The following SYT17 variants were observed in gnomAD, a reference collection of about 807,000 sequenced individuals.
SYT17 encodes synaptotagmin 17, also known as synaptotagmin-17.
A neutral mutation model predicts 46.7 loss-of-function variants in SYT17; 22 were observed. That is an observed-to-expected ratio of 0.47 (90% confidence interval 0.34 to 0.67). SYT17 has a LOEUF of 0.67. Among genes scored for constraint, SYT17 ranks in the 30% least tolerant of loss-of-function variants. The pLI is 0.01. For synonymous variants in SYT17, 251 were observed against 248.4 expected (o/e 1.01, Z -0.10); for missense variants, 519 against 612.8 (o/e 0.85, Z 1.62).
intron 5 of SYT17, among the ~76,000 whole-genome samples, chr16:19,203,162 C>T (rs954221626): frequency 2.0e-5 from 3 of 152,066 alleles, no homozygotes; most frequent in African/African-American, 4.8e-5. Flanking sequence ...GTAACTCTCC[C>T]ATAGGGTTGC....
In SYT17 at chr16:19,168,597, T is replaced by G. The variant is rs1963955652; in HGVS notation, c.-50T>G. On this transcript the variant is annotated 5_prime_UTR_variant, in exon 1 of 8. Transcript: ENST00000355377. The surrounding 1 kb of genome is among the most constrained non-coding windows in gnomAD (Gnocchi z 6.9). The stretch of plus-strand genomic sequence containing the variant: ...CCCTCCGCTGTTGGCGAGGGCAAAG[T>G]GGCCGTGGCGGCGCCATGCCCGGGC... 2 of 1,542,402 alleles carry G rather than the reference T, an allele frequency of 1.3e-6. No individual in the cohort carries two copies. The highest frequency in any genetic ancestry group is 1.8e-6 in the Non-Finnish European group (2 of 1,142,630).
At position 19,266,846 on chromosome 16, in the gene SYT17, C is replaced by T. The variant is rs749198547; in HGVS notation, c.1229-34C>T. On this transcript the variant is annotated intron_variant, in intron 7 of 7. Coordinates refer to ENST00000355377, the MANE Select transcript of SYT17 (RefSeq NM_016524.4). ...TGTTCTGTTCCCCTCCTTCCTCTTG[C>T]CTCCCTCCTGCCCTCAACCCTCTGG... is the stretch of plus-strand genomic sequence containing the variant. 5 of 1,594,114 alleles carry T rather than the reference C, an allele frequency of 3.1e-6. No homozygotes were observed. The Admixed American group carries it at 8.5e-5, about 27-fold the overall frequency.
At chr16:19,203,340 A>G (rs1596944181) in intron 5 of SYT17, among the ~76,000 whole-genome samples, 1 of 151,632 alleles carries the variant, frequency 6.6e-6, no homozygotes, top group Non-Finnish European at 1.5e-5. Context: ...ACAATACAAA[A>G]AAAAAAAATA....
At chr16:19,240,485 C>T (rs899437277) in intron 7 of SYT17, among the ~76,000 whole-genome samples, 17 of 152,006 alleles carry the variant, frequency 1.1e-4, no homozygotes, top group Non-Finnish European at 1.8e-4. Flanking sequence ...CCCATCGTCT[C>T]TCTGTTCTCT....
chr16:19,206,949 G>A (rs1445339679), intron 5 of SYT17, among the ~76,000 whole-genome samples: 1 of 152,150 alleles, frequency 6.6e-6, no homozygotes, highest in African/African-American at 2.4e-5. Flanking sequence ...CCCCAATGTT[G>A]GAGGTGGGAC....
At chr16:19,173,706 T>C in intron 3 of SYT17, 128 bp downstream of exon 3, 1 of 1,075,308 alleles carries the variant, frequency 9.3e-7, no homozygotes. Flanking sequence ...GCAGGCTGAG[T>C]TTCCAGGGAC....
rs1596883752 is a variant in SYT17, at chr16:19,173,645, G to A, written c.182+67G>A. On this transcript the variant is annotated intron_variant, in intron 3 of 7. Transcript: ENST00000355377. ...GACTTTTCCTTTTTAATGAGAAGGCGGGTTGGGGGTCTGGGCCACGGGAGG... is the reference window on the plus strand; with the variant it reads ...GACTTTTCCTTTTTAATGAGAAGGCAGGTTGGGGGTCTGGGCCACGGGAGG... 9.6e-6 allele frequency: 15 copies of A among 1,555,148 alleles called. No individual in the cohort carries two copies. The South Asian group carries it at 9.7e-5, about 10-fold the overall frequency.
Position 19,191,359 on chromosome 16 carries a change from A to G in SYT17, c.951+7212A>G, listed in dbSNP as rs78349305. On this transcript the variant is annotated intron_variant, in intron 5 of 7. Transcript: ENST00000355377. ...CATGAGGGCAGAGCTGTTATCAATGAGATTAGCGCCCTTGTAAAGAGGCTC... is the reference window on the plus strand; with the variant it reads ...CATGAGGGCAGAGCTGTTATCAATGGGATTAGCGCCCTTGTAAAGAGGCTC... 6.3e-3 allele frequency among the ~76,000 whole-genome samples: 957 copies of G among 152,260 alleles called. 6 individuals carry two copies. Among genetic ancestry groups the G allele is most frequent in the African/African-American group, 0.021 (886 of 41,556 alleles).
chr16:19,264,295 T>C (rs778629696), intron 7 of SYT17, among the ~76,000 whole-genome samples: 1 of 152,244 alleles, frequency 6.6e-6, no homozygotes, highest in Non-Finnish European at 1.5e-5. Context: ...AGCAGCATTA[T>C]GTAAACAAAT....
chr16:19,223,109 A>C lies in SYT17; in HGVS notation c.1016A>C (p.Asn339Thr). Residue 339 changes from asparagine (N) to threonine (T), a missense_variant, in exon 6 of 8, where the codon AAT becomes ACT. Physicochemically the swap from Asn to Thr is moderately conservative, Grantham distance 65 (BLOSUM62 0). Transcript: ENST00000355377. ...TATCTCCCAAGTGCTGGCAGACTGAATGTTGATGTCATTCGAGCCAAGCAA... is the reference window on the plus strand; with the variant it reads ...TATCTCCCAAGTGCTGGCAGACTGACTGTTGATGTCATTCGAGCCAAGCAA... ...LNYLPSAGRL[N>T]VDVIRAKQLL... The C allele has an allele frequency of 6.2e-7, 1 of 1,614,002 alleles. No individual in the cohort carries two copies. The highest frequency in any genetic ancestry group is 8.5e-7 in the Non-Finnish European group (1 of 1,179,938).
chr16:19,236,665 A>G (rs1966852773), intron 7 of SYT17, among the ~76,000 whole-genome samples: 3 of 152,214 alleles, frequency 2.0e-5, no homozygotes, highest in Non-Finnish European at 4.4e-5. Flanking sequence ...GGAGACGCAT[A>G]GGGCAGAGTC....
intron 5 of SYT17, among the ~76,000 whole-genome samples, chr16:19,188,293 A>G (rs1964863148): frequency 6.6e-6 from 1 of 152,102 alleles, no homozygotes; most frequent in Non-Finnish European, 1.5e-5. Context: ...CTGAGAACAC[A>G]TGGACACAGA....
chr16:19,177,526 TCAAA>T (rs1347239006), intron 3 of SYT17, among the ~76,000 whole-genome samples: 1 of 152,204 alleles, frequency 6.6e-6, no homozygotes, highest in African/African-American at 2.4e-5. Context: ...CTGCATGTTA[TCAAA>T]CAGACAGGAA....
At chr16:19,182,140 C>T (rs1029721393) in intron 4 of SYT17, among the ~76,000 whole-genome samples, 2 of 151,884 alleles carry the variant, frequency 1.3e-5, no homozygotes, top group East Asian at 1.9e-4. Context: ...GCAGGCTGGG[C>T]GCGGTGGCTC....
intron 7 of SYT17, among the ~76,000 whole-genome samples, chr16:19,251,396 T>A (rs890559748): frequency 1.3e-5 from 2 of 152,084 alleles, no homozygotes; most frequent in Non-Finnish European, 2.9e-5. Flanking sequence ...TGTTGGGGAA[T>A]AAGGAAAAGG....
chr16:19,231,546 A>AG (rs1205655227), intron 7 of SYT17, among the ~76,000 whole-genome samples: 5 of 150,758 alleles, frequency 3.3e-5, no homozygotes, highest in African/African-American at 9.7e-5. Context: ...AAAAAAAAAA[A>AG]AAAAGAAAAG....
intron 7 of SYT17, among the ~76,000 whole-genome samples, chr16:19,256,289 G>C (rs1347835702): frequency 6.6e-6 from 1 of 151,918 alleles, no homozygotes; most frequent in Non-Finnish European, 1.5e-5. Flanking sequence ...AAAAGTCAGA[G>C]CCAATCCTGA....
intron 6 of SYT17, 37 bp from the exon 7 acceptor site, chr16:19,224,646 A>T: frequency 6.2e-7 from 1 of 1,608,120 alleles, no homozygotes; most frequent in Non-Finnish European, 8.5e-7. Context: ...AGGTTTCATG[A>T]TCTCCAACAT....
chr16:19,175,511 T>C (rs1156956354), intron 3 of SYT17, among the ~76,000 whole-genome samples: 1 of 151,990 alleles, frequency 6.6e-6, no homozygotes. Context: ...AAAAATTAGC[T>C]GGGCACGTTG....
Sources: allele counts gnomAD v4.1 joint callset (sites outside exome capture counted in the v4.1 genomes callset), GRCh38; gene constraint gnomAD v4.1.1; non-coding constraint Gnocchi (gnomAD v3.1); transcripts MANE v1.5; gene names NCBI Gene and HGNC (gene_info 2026-07-23, HGNC 2026-07-21).